KLHL32: variants seen among roughly 807,000 people sequenced by gnomAD.
KLHL32 encodes kelch-like protein 32.
Under a neutral mutation model 64.8 loss-of-function variants are expected in KLHL32, and 35 were observed. The ratio of observed to expected loss-of-function variants is 0.54; its 90% confidence interval spans 0.41 to 0.72. KLHL32 has a LOEUF of 0.72. KLHL32 is among the 30% of genes least tolerant of loss of function. KLHL32 has a pLI of 0.00. For synonymous variants in KLHL32, 259 were observed against 281.0 expected (o/e 0.92, Z 0.78); for missense variants, 589 against 768.5 (o/e 0.77, Z 2.76).
chr6:97,135,777 A>G (rs977351360), intron 10 of KLHL32, among the ~76,000 whole-genome samples: 1 of 152,116 alleles, frequency 6.6e-6, no homozygotes, highest in Non-Finnish European at 1.5e-5. Context: ...CTAAAGCTCC[A>G]TTTTTTTATG....
At chr6:96,903,201 G>C in the KLHL32 span, among the ~76,000 whole-genome samples, 17 of 151,538 alleles carry the variant, frequency 1.1e-4, no homozygotes, top group Admixed American at 5.2e-4. Flanking sequence ...AATACATTAA[G>C]AATTTTTTGG....
intron 3 of KLHL32, among the ~76,000 whole-genome samples, chr6:96,978,898 A>G (rs1447616914): frequency 6.6e-6 from 1 of 152,052 alleles, no homozygotes; most frequent in Non-Finnish European, 1.5e-5. Context: ...ATGATTAGTA[A>G]TGTTGAGCAC....
chr6:97,043,275 G>A (rs1785403395), intron 4 of KLHL32, among the ~76,000 whole-genome samples: 1 of 152,092 alleles, frequency 6.6e-6, no homozygotes, highest in Non-Finnish European at 1.5e-5. Flanking sequence ...ACTTCTATGA[G>A]TTCAACTTTT....
intron 3 of KLHL32, among the ~76,000 whole-genome samples, chr6:97,031,606 G>A (rs1783561177): frequency 6.6e-6 from 1 of 152,070 alleles, no homozygotes; most frequent in East Asian, 1.9e-4. Flanking sequence ...CCAAAGTGGT[G>A]GGATTATAGT....
At chr6:96,985,796 A>C (rs1776961242) in intron 3 of KLHL32, among the ~76,000 whole-genome samples, 1 of 152,028 alleles carries the variant, frequency 6.6e-6, no homozygotes, top group South Asian at 2.1e-4. Flanking sequence ...CAAGGTTTTT[A>C]ACTTCTTTGC....
At chr6:96,992,091 G>T (rs1777944781) in intron 3 of KLHL32, among the ~76,000 whole-genome samples, 1 of 152,246 alleles carries the variant, frequency 6.6e-6, no homozygotes, top group African/African-American at 2.4e-5. Flanking sequence ...GCGAGGTGCA[G>T]TGGAGGTGAG....
chr6:97,102,055 A>G (rs941704556), intron 6 of KLHL32, among the ~76,000 whole-genome samples: 1 of 152,238 alleles, frequency 6.6e-6, no homozygotes, highest in Non-Finnish European at 1.5e-5. Flanking sequence ...GAACCCTATG[A>G]CATAGGTATT....
intron 2 of KLHL32, among the ~76,000 whole-genome samples, chr6:96,969,522 T>C (rs1774884146): frequency 6.6e-6 from 1 of 152,180 alleles, no homozygotes; most frequent in African/African-American, 2.4e-5. Context: ...TGAACCGATC[T>C]ATTCATATTT....
intron 3 of KLHL32, among the ~76,000 whole-genome samples, chr6:97,001,881 A>G (rs1272541278): frequency 1.3e-5 from 2 of 152,202 alleles, no homozygotes; most frequent in Non-Finnish European, 2.9e-5. Context: ...ACGTATGTAT[A>G]TGCCTAAGAA....
chr6:97,056,115 T>C (rs1487782736), intron 4 of KLHL32, among the ~76,000 whole-genome samples: 2 of 136,026 alleles, frequency 1.5e-5, no homozygotes, highest in Non-Finnish European at 3.1e-5. Context: ...TCTTTTTTTT[T>C]TTTTTTTTGA....
chr6:97,078,838 G>A (rs1582950127), intron 5 of KLHL32, among the ~76,000 whole-genome samples: 1 of 152,186 alleles, frequency 6.6e-6, no homozygotes, highest in African/African-American at 2.4e-5. Context: ...ATATAATTAT[G>A]CATAATGTGT....
chr6:97,135,299 A>ATTTT (rs747635380), intron 10 of KLHL32, among the ~76,000 whole-genome samples: 55 of 109,530 alleles, frequency 5.0e-4, no homozygotes, highest in South Asian at 1.6e-3. Context: ...AAATTTGTTA[A>ATTTT]TTTTTTTTTT....
chr6:96,996,464 A>G (rs1346020679), intron 3 of KLHL32, among the ~76,000 whole-genome samples: 1 of 152,184 alleles, frequency 6.6e-6, no homozygotes, highest in Non-Finnish European at 1.5e-5. Flanking sequence ...TACATAAAAG[A>G]CTATAAATGA....
intron 3 of KLHL32, among the ~76,000 whole-genome samples, chr6:97,031,263 C>A (rs1783495412): frequency 6.6e-6 from 1 of 152,140 alleles, no homozygotes. Context: ...AAGACATTGA[C>A]CTTGATATAA....
chr6:97,078,764 C>G (rs1792005646), intron 5 of KLHL32, among the ~76,000 whole-genome samples: 1 of 152,128 alleles, frequency 6.6e-6, no homozygotes, highest in Non-Finnish European at 1.5e-5. Flanking sequence ...GTCAAAACAC[C>G]TATTTTTAAG....
At chr6:96,946,601 G>T (rs1350410897) in intron 1 of KLHL32, among the ~76,000 whole-genome samples, 2 of 152,160 alleles carry the variant, frequency 1.3e-5, no homozygotes, top group African/African-American at 4.8e-5. Context: ...AGGAACAAGG[G>T]CCTGGATAAT....
At chr6:96,944,589 C>T (rs56720155) in intron 1 of KLHL32, among the ~76,000 whole-genome samples, 3,452 of 152,266 alleles carry the variant, frequency 0.023, 140 homozygotes, top group African/African-American at 0.08. Context: ...TACTTGCCAA[C>T]TCATCATGTC....
At chr6:97,053,559 T>G (rs1787296647) in intron 4 of KLHL32, among the ~76,000 whole-genome samples, 2 of 152,148 alleles carry the variant, frequency 1.3e-5, no homozygotes, top group African/African-American at 4.8e-5. Context: ...TATTTTCACT[T>G]CAAATTCTCA....
chr6:96,946,940 A>G (rs1345484488), intron 1 of KLHL32, among the ~76,000 whole-genome samples: 2 of 151,932 alleles, frequency 1.3e-5, no homozygotes, highest in Admixed American at 1.3e-4. Flanking sequence ...GGTTCTATAT[A>G]CTTATTAACA....
Sources: allele counts gnomAD v4.1 joint callset (sites outside exome capture counted in the v4.1 genomes callset), GRCh38; gene constraint gnomAD v4.1.1; transcripts MANE v1.5; gene names NCBI Gene and HGNC (gene_info 2026-07-23, HGNC 2026-07-21).